AP3S1: variants seen among roughly 807,000 people sequenced by gnomAD.
AP3S1 encodes adaptor related protein complex 3 subunit sigma 1.
In AP3S1, 12 loss-of-function variants were observed where a neutral mutation model predicts 21.3. That is an observed-to-expected ratio of 0.56 (90% CI 0.36 to 0.91). AP3S1 has a LOEUF of 0.91. Ranked by LOEUF, AP3S1 falls within the 40% of genes least tolerant of loss-of-function variation. The probability of loss-of-function intolerance (pLI) is 0.01; values close to 1 mark genes in which losing one functional copy is unlikely to be tolerated. For missense variants in AP3S1, 116 were observed against 225.0 expected, an observed-to-expected ratio of 0.52 and a Z score of 3.10; for synonymous variants, 48 against 78.4, an observed-to-expected ratio of 0.61 and a Z score of 2.05.
At chr5:115,850,970 T>G (rs1762399319) in intron 1 of AP3S1, among the ~76,000 whole-genome samples, 1 of 152,198 alleles carries the variant, frequency 6.6e-6, no homozygotes, top group Non-Finnish European at 1.5e-5. Context: ...GAAATAACTT[T>G]GGTTAATGAT....
At chr5:115,906,624 G>T (rs547467452) in intron 5 of AP3S1, among the ~76,000 whole-genome samples, 2 of 152,130 alleles carry the variant, frequency 1.3e-5, no homozygotes, top group South Asian at 4.1e-4. Flanking sequence ...TCAGGAACCT[G>T]CCTAAGAATA....
intron 3 of AP3S1, among the ~76,000 whole-genome samples, chr5:115,881,880 T>G (rs1337652610): frequency 6.6e-6 from 1 of 152,126 alleles, no homozygotes; most frequent in Non-Finnish European, 1.5e-5. Flanking sequence ...TCATATTTCT[T>G]GGAGACATTG....
chr5:115,863,764 A>G (rs144380811), intron 1 of AP3S1, among the ~76,000 whole-genome samples: 113 of 152,298 alleles, frequency 7.4e-4, no homozygotes, highest in African/African-American at 2.6e-3. Flanking sequence ...TCATTATATG[A>G]TAACATAAAG....
intron 3 of AP3S1, among the ~76,000 whole-genome samples, chr5:115,875,465 G>C (rs552397405): frequency 1.3e-5 from 2 of 152,318 alleles, no homozygotes; most frequent in East Asian, 1.9e-4. Context: ...TGGGGTGACA[G>C]ATACACTGTT....
chr5:115,895,124 T>C lies in AP3S1; in HGVS notation c.311T>C (p.Val104Ala). The C allele has an allele frequency of 6.2e-7, 1 of 1,606,428 alleles. No individual in the cohort carries two copies. Among genetic ancestry groups the C allele is most frequent in the Non-Finnish European group, 8.5e-7 (1 of 1,176,278 alleles). The stretch of plus-strand genomic sequence containing the variant: ...ACATTAGACAAATGTTTTGAAAATG[T>C]CTGTGAGCTGGATTTGATTTTCCAT... ...VETLDKCFEN[V>A]CELDLIFHVD... Residue 104 changes from valine (V) to alanine (A), a missense_variant, in exon 4 of 6, where the codon GTC becomes GCC. Physicochemically the swap from Val to Ala is moderately conservative, Grantham distance 64. Coordinates refer to ENST00000316788, the MANE Select transcript of AP3S1 (RefSeq NM_001284.4).
intron 1 of AP3S1, among the ~76,000 whole-genome samples, chr5:115,857,823 T>C (rs986096300): frequency 2.6e-5 from 4 of 152,242 alleles, no homozygotes; most frequent in Non-Finnish European, 4.4e-5. Context: ...GATCAGTGTT[T>C]GATGTTTACG....
intron 5 of AP3S1, chr5:115,903,612 A>G (rs1751398005): frequency 6.6e-6 from 1 of 152,356 alleles, no homozygotes; most frequent in African/African-American, 2.4e-5. Flanking sequence ...ATTCTATAAG[A>G]TCGGTTTGTT....
chr5:115,891,839 G>A (rs1054681364), intron 3 of AP3S1, among the ~76,000 whole-genome samples: 2 of 152,206 alleles, frequency 1.3e-5, no homozygotes, highest in Admixed American at 1.3e-4. Context: ...AAAGCCACAG[G>A]GTTGGAGCTG....
At chr5:115,877,742 T>C (rs1234818710) in intron 3 of AP3S1, among the ~76,000 whole-genome samples, 1 of 152,214 alleles carries the variant, frequency 6.6e-6, no homozygotes, top group Non-Finnish European at 1.5e-5. Context: ...GGTCAAATGG[T>C]ATTTCTGGTT....
chr5:115,878,388 G>A (rs1211759397), intron 3 of AP3S1, among the ~76,000 whole-genome samples: 1 of 152,182 alleles, frequency 6.6e-6, no homozygotes, highest in African/African-American at 2.4e-5. Flanking sequence ...TAAGGTGTAA[G>A]GAAGGGGTCC....
intron 3 of AP3S1, among the ~76,000 whole-genome samples, chr5:115,877,131 A>G (rs1748793081): frequency 6.6e-6 from 1 of 151,890 alleles, no homozygotes; most frequent in African/African-American, 2.4e-5. Flanking sequence ...GTTTTTTTCT[A>G]TCATACCTCA....
rs1580740598 is a variant in AP3S1, at chr5:115,903,226, A to G, written c.453+234A>G. 9.6e-6 allele frequency: 3 copies of G among 312,868 alleles called. No individual in the cohort carries two copies. The East Asian group carries it at 2.3e-4, about 24-fold the overall frequency. 19.4% of individuals were successfully genotyped at this position (312,868 alleles called of 1,614,324 possible). On this transcript the variant is annotated intron_variant, in intron 5 of 5. Transcript: ENST00000316788. The stretch of plus-strand genomic sequence containing the variant: ...GCCACAGTCATAGCTGCCTTGGGTA[A>G]TAAGCACAATTCCAAATCTTATTGC...
At chr5:115,867,034 AAAT>A (rs1281951142) in intron 2 of AP3S1, among the ~76,000 whole-genome samples, 1 of 152,140 alleles carries the variant, frequency 6.6e-6, no homozygotes, top group Non-Finnish European at 1.5e-5. Flanking sequence ...ATAAAATGTA[AAAT>A]AAGAATCTCT....
chr5:115,870,726 C>G (rs1391584609), intron 3 of AP3S1, among the ~76,000 whole-genome samples: 3 of 152,204 alleles, frequency 2.0e-5, no homozygotes, highest in Non-Finnish European at 2.9e-5. Context: ...ATACCACCTT[C>G]TATCCATTTA....
At chr5:115,909,058 A>T in intron 5 of AP3S1, 2 of 817,146 alleles carry the variant, frequency 2.4e-6, no homozygotes, top group Non-Finnish European at 3.0e-6. Flanking sequence ...GTTTGTTCCA[A>T]CTACCATCTT....
intron 2 of AP3S1, 152 bp downstream of exon 2, chr5:115,866,913 A>G (rs1179227982): frequency 4.7e-6 from 2 of 427,318 alleles, no homozygotes; most frequent in African/African-American, 4.1e-5. Flanking sequence ...TCTAACTTAA[A>G]GAATTATTTT....
rs371451435 is a variant in AP3S1, at chr5:115,913,394, A to T, written c.486A>T (p.Val162=). Residue 162 remains valine, a synonymous_variant, in exon 6 of 6, where the codon GTA becomes GTT. Coordinates refer to ENST00000316788, the MANE Select transcript of AP3S1 (RefSeq NM_001284.4). Reference sequence around the variant, plus strand: ...TAGCAGGAGCTCCAGCCCGTGCTGTATCAGCTGTAAAGAATATGAATCTTC... The same window carrying T: ...TAGCAGGAGCTCCAGCCCGTGCTGTTTCAGCTGTAAAGAATATGAATCTTC... ...AGLAGAPARA[V]SAVKNMNLPE... 19 of 1,613,952 alleles carry T rather than the reference A, an allele frequency of 1.2e-5. No homozygotes were observed. The African/African-American group carries it at 1.9e-4, about 16-fold the overall frequency.
At chr5:115,872,959 T>C (rs1294689399) in intron 3 of AP3S1, among the ~76,000 whole-genome samples, 2 of 152,222 alleles carry the variant, frequency 1.3e-5, no homozygotes, top group African/African-American at 4.8e-5. Context: ...TCCAAAACAC[T>C]GTTTTTATTT....
intron 1 of AP3S1, among the ~76,000 whole-genome samples, chr5:115,852,696 A>G (rs538220696): frequency 2.6e-5 from 4 of 152,268 alleles, no homozygotes; most frequent in South Asian, 4.1e-4. Flanking sequence ...TGAACATTCT[A>G]TATAAATGGA....
Sources: gnomAD v4.1 joint callset for allele counts (sites outside exome capture counted in the v4.1 genomes callset) on GRCh38, gnomAD v4.1.1 for gene constraint, MANE v1.5 for transcripts, NCBI Gene and HGNC (gene_info 2026-07-23, HGNC 2026-07-21) for gene names.